Variants in RGPD3 observed in about 807,000 individuals in gnomAD.
RGPD3 encodes RANBP2 like and GRIP domain containing 3.
A neutral mutation model predicts 154.5 loss-of-function variants in RGPD3; 62 were observed. The observed-to-expected ratio is 0.40, with a 90% confidence interval of 0.33 to 0.50. RGPD3 has a LOEUF of 0.50. RGPD3 is among the 20% of genes least tolerant of loss of function. The probability of loss-of-function intolerance (pLI) is 0.59; values close to 1 mark genes in which losing one functional copy is unlikely to be tolerated. For synonymous variants in RGPD3, 308 were observed against 607.0 expected (o/e 0.51, Z 7.24); for missense variants, 919 against 1,716.8 (o/e 0.54, Z 8.21).
At chr2:106,467,752 C>G (rs1302873261) in intron 1 of RGPD3, among the ~76,000 whole-genome samples, 67 of 141,334 alleles carry the variant, frequency 4.7e-4, no homozygotes, top group African/African-American at 1.7e-3. Context: ...GGGAGCAGCG[C>G]CCGTCGGGAG....
Position 106,432,224 on chromosome 2 carries a change from G to A in RGPD3, c.2469+711C>T, listed in dbSNP as rs1235500495. Among the ~76,000 whole-genome samples, 60 of 148,254 alleles carry A rather than the reference G, an allele frequency of 4.0e-4. 8 individuals are homozygous for A. The highest frequency in any genetic ancestry group is 6.9e-3 in the Middle Eastern group (2 of 290). The stretch of plus-strand genomic sequence containing the variant: ...TCCCAGCACTTTGGGAGGCCAAGGC[G>A]GGCAGATCGCCTGAGGTCAGAAGTT... On this transcript the variant is annotated intron_variant, in intron 17 of 22. Coordinates refer to ENST00000409886, the MANE Select transcript of RGPD3 (RefSeq NM_001144013.2).
intron 7 of RGPD3, among the ~76,000 whole-genome samples, chr2:106,443,439 T>C (rs1333270700): frequency 6.7e-6 from 1 of 149,190 alleles, no homozygotes; most frequent in Admixed American, 6.7e-5. Context: ...TTTTGAATTT[T>C]AGAAATATTC....
intron 1 of RGPD3, among the ~76,000 whole-genome samples, chr2:106,467,791 G>T (rs1215301752): frequency 7.0e-6 from 1 of 143,802 alleles, no homozygotes; most frequent in Non-Finnish European, 1.5e-5. Context: ...CAAGGCAGCC[G>T]CCGGGCCAGG....
At chr2:106,465,891 G>A (rs1244170892) in intron 1 of RGPD3, among the ~76,000 whole-genome samples, 4 of 151,228 alleles carry the variant, frequency 2.6e-5, no homozygotes, top group African/African-American at 7.3e-5. Context: ...TTGCGCCGTC[G>A]GGCCATTGCA....
At chr2:106,418,139 CA>C (rs1280575921) in intron 20 of RGPD3, among the ~76,000 whole-genome samples, 45 of 143,626 alleles carry the variant, frequency 3.1e-4, no homozygotes, top group Non-Finnish European at 6.8e-4. Flanking sequence ...AACAAAAAAA[CA>C]AACAAAAAAA....
At chr2:106,416,048 T>C (rs1436849412) in intron 20 of RGPD3, 59 bp from the exon 21 acceptor site, 9 of 1,581,758 alleles carry the variant, frequency 5.7e-6, no homozygotes, top group African/African-American at 4.1e-5. Flanking sequence ...ATGAAGATTC[T>C]AAATAAGAAA....
At chr2:106,420,235 T>A (rs186890934) in intron 20 of RGPD3, among the ~76,000 whole-genome samples, 1 of 140,140 alleles carries the variant, frequency 7.1e-6, no homozygotes, top group Non-Finnish European at 1.5e-5. Flanking sequence ...CTAGATAAAA[T>A]TAAATAAAAA....
intron 1 of RGPD3, among the ~76,000 whole-genome samples, chr2:106,462,433 T>C (rs1678431781): frequency 6.6e-6 from 1 of 150,788 alleles, no homozygotes; most frequent in Admixed American, 6.6e-5. Flanking sequence ...GCACAGCCCA[T>C]GTTATGTAAA....
chr2:106,425,183 C>T lies in RGPD3; in HGVS notation c.2784G>A (p.Ser928=), dbSNP rs756932473. The T allele has an allele frequency of 2.4e-5, 39 of 1,611,484 alleles. No homozygotes were observed. Among genetic ancestry groups the T allele is most frequent in the African/African-American group, 1.3e-4 (10 of 74,738 alleles). ...TTTTCTTTTCTTGATTTCCTGGTTC[C>T]GAAATGCCAAATTTAAATCCATCAG... ...VSADGFKFGI[S]EPGNQEKKSE... Residue 928 remains serine, a synonymous_variant, in exon 20 of 23, where the codon TCG becomes TCA. Transcript: ENST00000409886.
intron 21 of RGPD3, among the ~76,000 whole-genome samples, chr2:106,414,635 A>G (rs1676768605): frequency 6.6e-6 from 1 of 151,558 alleles, no homozygotes; most frequent in African/African-American, 2.4e-5. Context: ...AAAAAAAGAA[A>G]ATATAACATT....
In RGPD3 at chr2:106,433,025, A is replaced by T. The variant is rs1302407876; in HGVS notation, c.2386-7T>A. 1 of 1,610,954 alleles carries T rather than the reference A, an allele frequency of 6.2e-7. No individual in the cohort carries two copies. Among genetic ancestry groups the T allele is most frequent in the East Asian group, 2.2e-5 (1 of 44,798 alleles). ...GTGGTGTTTTGGGAGAATACTAAAA[A>T]AAAAATAAAAATAACAAAAGAGCAT... On this transcript the variant is annotated splice_polypyrimidine_tract_variant and splice_region_variant and intron_variant, in intron 16 of 22. Transcript: ENST00000409886.
In RGPD3 at chr2:106,426,875, C is replaced by T. The variant is rs1573258299; in HGVS notation, c.2606-787G>A. Reference sequence around the variant, plus strand: ...CTGGAAAGCACTGAAAAATCAAGACCTAGAAAAGGCTAGCCAGAAGCCCAA... The same window carrying T: ...CTGGAAAGCACTGAAAAATCAAGACTTAGAAAAGGCTAGCCAGAAGCCCAA... On this transcript the variant is annotated intron_variant, in intron 18 of 22. Coordinates refer to ENST00000409886, the MANE Select transcript of RGPD3 (RefSeq NM_001144013.2). Among the ~76,000 whole-genome samples, 4 of 151,988 alleles carry T rather than the reference C, an allele frequency of 2.6e-5. No homozygotes were observed. In the South Asian group the frequency reaches 6.2e-4, roughly 24 times the overall value.
At chr2:106,451,883 T>TA (rs1423283460) in intron 6 of RGPD3, among the ~76,000 whole-genome samples, 1 of 151,188 alleles carries the variant, frequency 6.6e-6, no homozygotes, top group Admixed American at 6.6e-5. Context: ...TATACTATTA[T>TA]AAAAAAATAA....
At position 106,403,700 on chromosome 2, in the gene RGPD3, C is replaced by T. The variant is rs1350965542; in HGVS notation, c.*1519G>A. On this transcript the variant is annotated 3_prime_UTR_variant, in exon 23 of 23. Transcript: ENST00000409886. ...AAAAACTAAACTCTTCATGTCGGCT[C>T]TGAAATAGATGCATTTTCATTCATA... is the stretch of plus-strand genomic sequence containing the variant. 6.6e-6 allele frequency among the ~76,000 whole-genome samples: 1 copy of T among 152,280 alleles called. No individual in the cohort carries two copies. Among genetic ancestry groups the T allele is most frequent in the Admixed American group, 6.5e-5 (1 of 15,292 alleles).
intron 17 of RGPD3, among the ~76,000 whole-genome samples, chr2:106,431,545 T>C: frequency 6.6e-6 from 1 of 152,282 alleles, no homozygotes; most frequent in Non-Finnish European, 1.5e-5. Flanking sequence ...TTCCACAGAA[T>C]ACAATGTTGG....
chr2:106,466,889 C>A (rs1244760793), intron 1 of RGPD3, among the ~76,000 whole-genome samples: 2 of 94,968 alleles, frequency 2.1e-5, no homozygotes, highest in Non-Finnish European at 4.4e-5. Context: ...GCCGCCGGGC[C>A]GGGTCGAGGC....
intron 21 of RGPD3, among the ~76,000 whole-genome samples, chr2:106,415,378 G>T (rs1311041131): frequency 2.0e-5 from 3 of 152,060 alleles, no homozygotes; most frequent in Non-Finnish European, 2.9e-5. Context: ...TATGTAATAG[G>T]TATAAAAGAA....
chr2:106,413,316 C>G (rs774647709), intron 21 of RGPD3, 31 bp from the exon 22 acceptor site: 7 of 1,610,542 alleles, frequency 4.3e-6, no homozygotes, highest in Non-Finnish European at 5.9e-6. Flanking sequence ...TAAAAATGGG[C>G]TTTAGGAGCT....
In RGPD3 at chr2:106,405,120, A is replaced by G. The variant is rs1676466396; in HGVS notation, c.*99T>C. The G allele has an allele frequency of 2.6e-6, 4 of 1,552,218 alleles. No homozygotes were observed. The Admixed American group carries it at 7.5e-5, about 29-fold the overall frequency. On this transcript the variant is annotated 3_prime_UTR_variant, in exon 23 of 23. Coordinates refer to ENST00000409886, the MANE Select transcript of RGPD3 (RefSeq NM_001144013.2). ...ATACACATGAACCATTTTTGTAAAT[A>G]GATTTTATTTGGTTAATAAAAACAT...
Sources: gnomAD v4.1 joint callset for allele counts (sites outside exome capture counted in the v4.1 genomes callset) on GRCh38, gnomAD v4.1.1 for gene constraint, MANE v1.5 for transcripts, NCBI Gene and HGNC (gene_info 2026-07-23, HGNC 2026-07-21) for gene names.